Variants in COLEC12 observed in about 807,000 individuals in gnomAD.
COLEC12 encodes the protein collectin-12.
In COLEC12, 33 loss-of-function variants were observed where a neutral mutation model predicts 71.1. The observed-to-expected ratio is 0.46, with a 90% CI of 0.35 to 0.62. The LOEUF (loss-of-function observed/expected upper bound fraction) is 0.62, where lower values mean the gene tolerates loss of function less well. Ranked by LOEUF, COLEC12 falls within the 20% of genes least tolerant of loss-of-function variation. The pLI, the probability that COLEC12 is intolerant of heterozygous loss-of-function variation, is 0.00. For missense variants in COLEC12, 765 were observed against 916.1 expected, an observed-to-expected ratio of 0.84 and a Z score of 2.13; for synonymous variants, 350 against 353.0, an observed-to-expected ratio of 0.99 and a Z score of 0.10.
chr18:478,523 G>A (rs999727927), intron 2 of COLEC12, among the ~76,000 whole-genome samples: 57 of 152,296 alleles, frequency 3.7e-4, no homozygotes, highest in Middle Eastern at 6.8e-3. Flanking sequence ...TGAGGCAGGA[G>A]GATTGCTTGA....
At chr18:365,366 G>C (rs1462783587) in intron 2 of COLEC12, among the ~76,000 whole-genome samples, 1 of 152,212 alleles carries the variant, frequency 6.6e-6, no homozygotes, top group Non-Finnish European at 1.5e-5. Flanking sequence ...TGCTGAGGGA[G>C]TTTTTGGAGT....
At chr18:342,682 C>T (rs951830726) in intron 5 of COLEC12, among the ~76,000 whole-genome samples, 3 of 152,178 alleles carry the variant, frequency 2.0e-5, no homozygotes, top group Non-Finnish European at 4.4e-5. Flanking sequence ...CTCAGTCTCT[C>T]GTTCCCTTAG....
At chr18:329,154 A>G (rs1372942505) in intron 8 of COLEC12, among the ~76,000 whole-genome samples, 1 of 152,180 alleles carries the variant, frequency 6.6e-6, no homozygotes, top group Non-Finnish European at 1.5e-5. Flanking sequence ...CGCTCCATCC[A>G]GATCATGTAA....
chr18:493,981 T>C (rs776276656), intron 1 of COLEC12, among the ~76,000 whole-genome samples: 3 of 151,926 alleles, frequency 2.0e-5, no homozygotes, highest in Non-Finnish European at 4.4e-5. Context: ...ACGTGAGCAA[T>C]AGTACTAAAA....
intron 8 of COLEC12, among the ~76,000 whole-genome samples, chr18:322,816 A>G (rs1913741731): frequency 6.6e-6 from 1 of 152,216 alleles, no homozygotes; most frequent in African/African-American, 2.4e-5. Context: ...TCTTTGGACA[A>G]TAACACCCGC....
chr18:357,254 A>G (rs1417191406), intron 3 of COLEC12, 146 bp downstream of exon 3: 3 of 706,148 alleles, frequency 4.2e-6, no homozygotes, highest in Non-Finnish European at 6.8e-6. Flanking sequence ...TAAGTTTAAG[A>G]TACAGAGATG....
chr18:404,255 T>C (rs2143621595), intron 2 of COLEC12, among the ~76,000 whole-genome samples: 1 of 152,286 alleles, frequency 6.6e-6, no homozygotes, highest in African/African-American at 2.4e-5. Flanking sequence ...TGGGAAAATG[T>C]GGTTTAAAAA....
At chr18:450,915 AC>A (rs35773331) in intron 2 of COLEC12, among the ~76,000 whole-genome samples, 35,359 of 152,188 alleles carry the variant, frequency 0.23, 4,128 homozygotes, top group East Asian at 0.28. Flanking sequence ...AGTAAAGGCC[AC>A]TTTTTCCATG....
chr18:483,592 T>C (rs1917465494), intron 1 of COLEC12, among the ~76,000 whole-genome samples: 1 of 152,192 alleles, frequency 6.6e-6, no homozygotes, highest in African/African-American at 2.4e-5. Flanking sequence ...GCTTTAATTC[T>C]TTCTGAATGG....
intron 5 of COLEC12, among the ~76,000 whole-genome samples, chr18:343,201 C>T (rs1399956283): frequency 6.6e-6 from 1 of 152,198 alleles, no homozygotes; most frequent in Non-Finnish European, 1.5e-5. Context: ...CTTCTGGGCA[C>T]ATTGGGTAGG....
intron 8 of COLEC12, among the ~76,000 whole-genome samples, chr18:330,311 T>G: frequency 6.6e-6 from 1 of 152,008 alleles, no homozygotes; most frequent in Non-Finnish European, 1.5e-5. Flanking sequence ...CCCATGAGAC[T>G]CTCTTAGGCC....
chr18:422,268 G>A (rs1916113928), intron 2 of COLEC12, among the ~76,000 whole-genome samples: 1 of 152,280 alleles, frequency 6.6e-6, no homozygotes, highest in Middle Eastern at 3.4e-3. Flanking sequence ...GTTTAGCAAT[G>A]GTAACCCCAA....
chr18:340,079 A>AAAAAAAAC (rs1914212080), intron 5 of COLEC12, among the ~76,000 whole-genome samples: 1 of 151,094 alleles, frequency 6.6e-6, no homozygotes, highest in Non-Finnish European at 1.5e-5. Flanking sequence ...GAAAGCAAAA[A>AAAAAAAAC]AAAAAAAAAA....
chr18:419,666 G>A (rs1916058964), intron 2 of COLEC12, among the ~76,000 whole-genome samples: 1 of 152,218 alleles, frequency 6.6e-6, no homozygotes, highest in Non-Finnish European at 1.5e-5. Flanking sequence ...CAGATGCAGA[G>A]TGAGATAAAA....
intron 1 of COLEC12, among the ~76,000 whole-genome samples, chr18:482,833 G>A (rs1389883017): frequency 4.7e-5 from 7 of 149,586 alleles, no homozygotes; most frequent in South Asian, 2.1e-4. Flanking sequence ...GGCTGGTCTC[G>A]AACTCCTGAC....
chr18:403,089 T>C (rs761794810), intron 2 of COLEC12, among the ~76,000 whole-genome samples: 1 of 152,148 alleles, frequency 6.6e-6, no homozygotes, highest in Non-Finnish European at 1.5e-5. Flanking sequence ...AAGTAAGAAG[T>C]GCAAACCGGC....
At chr18:382,967 A>C (rs1258859381) in intron 2 of COLEC12, among the ~76,000 whole-genome samples, 1 of 152,184 alleles carries the variant, frequency 6.6e-6, no homozygotes. Context: ...TCCTTTAAAA[A>C]TGCAATGATT....
chr18:409,664 T>A (rs1192294834), intron 2 of COLEC12, among the ~76,000 whole-genome samples: 1 of 152,258 alleles, frequency 6.6e-6, no homozygotes, highest in Non-Finnish European at 1.5e-5. Context: ...ACACACTTTA[T>A]ATAGCAATAA....
At chr18:467,990 G>A (rs556310839) in intron 2 of COLEC12, among the ~76,000 whole-genome samples, 54 of 152,244 alleles carry the variant, frequency 3.5e-4, no homozygotes, top group South Asian at 3.1e-3. Flanking sequence ...CAGGCCGGGC[G>A]CAGTGCCTCA....
Sources: allele counts gnomAD v4.1 joint callset (sites outside exome capture counted in the v4.1 genomes callset), GRCh38; gene constraint gnomAD v4.1.1; transcripts MANE v1.5; gene names NCBI Gene and HGNC (gene_info 2026-07-23, HGNC 2026-07-21).